KIAA0232: variants seen among roughly 807,000 people sequenced by gnomAD.
KIAA0232 encodes the protein uncharacterized protein KIAA0232.
A neutral mutation model predicts 122.0 loss-of-function variants in KIAA0232; 27 were observed. The ratio of observed to expected loss-of-function variants is 0.22; its 90% CI spans 0.16 to 0.31. The LOEUF is 0.31. KIAA0232 is among the 10% of genes least tolerant of loss of function. The probability of loss-of-function intolerance (pLI) is 1.00; values close to 1 mark genes in which losing one functional copy is unlikely to be tolerated. For missense variants in KIAA0232, 1,551 were observed against 1,634.2 expected (o/e 0.95, Z 0.88); for synonymous variants, 613 against 587.6 (o/e 1.04, Z -0.63).
chr4:6,805,467 G>A (rs1717574384), intron 2 of KIAA0232, among the ~76,000 whole-genome samples: 3 of 152,072 alleles, frequency 2.0e-5, no homozygotes, highest in Admixed American at 1.3e-4. Context: ...AGTCCGTTTT[G>A]GAGAACTATA....
At chr4:6,868,022 G>A (rs1721276418) in intron 7 of KIAA0232, among the ~76,000 whole-genome samples, 1 of 152,188 alleles carries the variant, frequency 6.6e-6, no homozygotes, top group Non-Finnish European at 1.5e-5. Context: ...TGGAAGTCTT[G>A]CTTTTCCTGG....
In KIAA0232 at chr4:6,881,621, A is replaced by G. The variant is rs1166045207; in HGVS notation, c.*655A>G. The G allele has an allele frequency of 6.6e-6, 1 of 152,668 alleles. No homozygotes were observed. The highest frequency in any genetic ancestry group is 1.5e-5 in the Non-Finnish European group (1 of 68,056). 9.5% of individuals were successfully genotyped at this position (152,668 alleles called of 1,614,324 possible). A position where few individuals can be genotyped will look rare whatever the true frequency, so the allele number is the denominator to read the frequency against. ...ACTATGGTTCGTGACTTTCTTGCTA[A>G]CTGAAGAAGCCAAGGATTTGGGGTG... On this transcript the variant is annotated 3_prime_UTR_variant, in exon 10 of 10. Coordinates refer to ENST00000307659, the MANE Select transcript of KIAA0232 (RefSeq NM_014743.3).
chr4:6,881,023 T>G lies in KIAA0232; in HGVS notation c.*57T>G. 1 of 1,243,242 alleles carries G rather than the reference T, an allele frequency of 8.0e-7. No individual in the cohort carries two copies. Among genetic ancestry groups the G allele is most frequent in the Non-Finnish European group, 1.1e-6 (1 of 948,698 alleles). 77.0% of individuals were successfully genotyped at this position (1,243,242 alleles called of 1,614,324 possible). On this transcript the variant is annotated 3_prime_UTR_variant, in exon 10 of 10. Transcript: ENST00000307659. ...AATGATATGTGATGGAAAATTACTC[T>G]TCAGTGAGACCTGTTAATCTAAAAC...
At chr4:6,805,676 A>G (rs1364644193) in intron 2 of KIAA0232, among the ~76,000 whole-genome samples, 1 of 152,218 alleles carries the variant, frequency 6.6e-6, no homozygotes, top group African/African-American at 2.4e-5. Context: ...ATCACATTGT[A>G]AAATTATTTT....
intron 3 of KIAA0232, among the ~76,000 whole-genome samples, chr4:6,826,820 G>C (rs980478583): frequency 5.9e-5 from 9 of 152,176 alleles, no homozygotes; most frequent in Non-Finnish European, 8.8e-5. Flanking sequence ...CTAGCACAAA[G>C]TATGTGCTGG....
chr4:6,802,283 T>C (rs1183529940), intron 1 of KIAA0232, among the ~76,000 whole-genome samples: 1 of 152,188 alleles, frequency 6.6e-6, no homozygotes, highest in African/African-American at 2.4e-5. Flanking sequence ...TCAGGATGAC[T>C]TGCCTGGAAG....
At chr4:6,804,192 T>G (rs1389095890) in intron 1 of KIAA0232, among the ~76,000 whole-genome samples, 1 of 152,196 alleles carries the variant, frequency 6.6e-6, no homozygotes, top group Non-Finnish European at 1.5e-5. Context: ...TCTAACACTT[T>G]TAGCAGCTGT....
At chr4:6,827,353 C>G (rs1224188182) in intron 3 of KIAA0232, among the ~76,000 whole-genome samples, 2 of 152,182 alleles carry the variant, frequency 1.3e-5, no homozygotes, top group African/African-American at 4.8e-5. Context: ...TCTCTTCTAG[C>G]AAGAGTAAGG....
At chr4:6,836,310 G>A (rs1212479282) in intron 3 of KIAA0232, among the ~76,000 whole-genome samples, 1 of 151,332 alleles carries the variant, frequency 6.6e-6, no homozygotes, top group Admixed American at 6.6e-5. Context: ...ACTTTTTGAT[G>A]GGGTTGTTTG....
chr4:6,837,448 G>A (rs930946831), intron 3 of KIAA0232, among the ~76,000 whole-genome samples: 27 of 151,052 alleles, frequency 1.8e-4, no homozygotes, highest in East Asian at 7.8e-4. Context: ...CCGGGCAGAG[G>A]GGCTCCTCAC....
At chr4:6,819,744 T>G (rs914685996) in intron 2 of KIAA0232, among the ~76,000 whole-genome samples, 9 of 152,164 alleles carry the variant, frequency 5.9e-5, no homozygotes, top group African/African-American at 1.9e-4. Context: ...GCAATCCCAT[T>G]ACTAGCTACA....
At chr4:6,858,244 C>A (rs781240915) in intron 5 of KIAA0232, among the ~76,000 whole-genome samples, 181 bp from the exon 6 acceptor site, 1 of 152,140 alleles carries the variant, frequency 6.6e-6, no homozygotes, top group South Asian at 2.1e-4. Flanking sequence ...GTGGTTTAAT[C>A]GGAGAATTCC....
chr4:6,860,969 A>G lies in KIAA0232; in HGVS notation c.587A>G (p.Asn196Ser), dbSNP rs761036910. 1.2e-6 allele frequency: 2 copies of G among 1,614,136 alleles called. No homozygotes were observed. The highest frequency in any genetic ancestry group is 1.7e-6 in the Non-Finnish European group (2 of 1,179,994). The part of the protein sequence containing the change: ...VCLQEIMTVW[N>S]KSKVCSYSSS... Reference sequence around the variant, plus strand: ...CTGCAAGAAATCATGACTGTGTGGAACAAGTCTAAAGTCTGTTCTTACTCT... The same window carrying G: ...CTGCAAGAAATCATGACTGTGTGGAGCAAGTCTAAAGTCTGTTCTTACTCT... The change falls in exon 7 of 10, where the codon AAC becomes AGC. Residue 196 changes from asparagine to serine, a missense_variant. Coordinates refer to ENST00000307659, the MANE Select transcript of KIAA0232 (RefSeq NM_014743.3).
In KIAA0232 at chr4:6,861,193, T is replaced by C. The variant is rs1720834660; in HGVS notation, c.811T>C (p.Tyr271His). The C allele has an allele frequency of 6.2e-7, 1 of 1,614,148 alleles. No homozygotes were observed. The highest frequency in any genetic ancestry group is 8.5e-7 in the Non-Finnish European group (1 of 1,180,038). ...CACAATTGAAGAAAAGCCTGCTTTG[T>C]ACAAAAAGCAAATCCGACATAAACC... ...NGTIEEKPALYKKQIRHKPEG... is the reference protein window; with the variant it reads ...NGTIEEKPALHKKQIRHKPEG... Residue 271 changes from tyrosine to histidine, a missense_variant, in exon 7 of 10, where the codon TAC becomes CAC. Coordinates refer to ENST00000307659, the MANE Select transcript of KIAA0232 (RefSeq NM_014743.3).
intron 2 of KIAA0232, among the ~76,000 whole-genome samples, chr4:6,818,911 G>A (rs773764896): frequency 3.3e-5 from 5 of 152,068 alleles, no homozygotes; most frequent in African/African-American, 9.7e-5. Flanking sequence ...AGAGAACCCA[G>A]AAATAAAGGT....
intron 3 of KIAA0232, among the ~76,000 whole-genome samples, chr4:6,841,838 G>C (rs982993444): frequency 1.3e-5 from 2 of 152,194 alleles, no homozygotes; most frequent in Non-Finnish European, 2.9e-5. Context: ...CCATGTTTGT[G>C]ATCAGAAAAC....
At chr4:6,788,766 T>G (rs976521050) in intron 1 of KIAA0232, among the ~76,000 whole-genome samples, 4 of 152,190 alleles carry the variant, frequency 2.6e-5, no homozygotes, top group Non-Finnish European at 5.9e-5. Context: ...GAGAACTTAG[T>G]GAATCCACGT....
In KIAA0232 at chr4:6,837,436, G is replaced by A. The variant is rs529052002; in HGVS notation, c.232-4631G>A. Among the ~76,000 whole-genome samples the A allele has an allele frequency of 4.9e-4, 74 of 151,508 alleles. 1 individual carries two copies. The Middle Eastern group carries it at 0.01, about 21-fold the overall frequency. ...GCGCTCCTCACTTCCCAGGCTGGGC[G>A]GCCGGGCAGAGGGGCTCCTCACATC... On this transcript the variant is annotated intron_variant, in intron 3 of 9. Transcript: ENST00000307659.
Position 6,809,964 on chromosome 4 carries a change from T to C in KIAA0232, c.-270+5358T>C, listed in dbSNP as rs188092549. Among the ~76,000 whole-genome samples the C allele has an allele frequency of 2.6e-5, 4 of 152,258 alleles. No individual in the cohort carries two copies. The East Asian group carries it at 7.7e-4, about 29-fold the overall frequency. ...TAAATGGAAAAACATCCAATGCTCA[T>C]GGATTGGAAGAATTAATATCATTAA... On this transcript the variant is annotated intron_variant, in intron 2 of 9. Transcript: ENST00000307659.
Sources: gnomAD v4.1 joint callset for allele counts (sites outside exome capture counted in the v4.1 genomes callset) on GRCh38, gnomAD v4.1.1 for gene constraint, MANE v1.5 for transcripts, NCBI Gene and HGNC (gene_info 2026-07-23, HGNC 2026-07-21) for gene names.